Variants in FBXW8 observed in about 807,000 individuals in gnomAD.
FBXW8 encodes the protein F-box and WD repeat domain containing 8.
Under a neutral mutation model 65.3 loss-of-function variants are expected in FBXW8, and 57 were observed. The ratio of observed to expected loss-of-function variants is 0.87; its 90% CI spans 0.71 to 1.09. The LOEUF is 1.09. Ranked by LOEUF, FBXW8 falls within the 50% of genes least tolerant of loss-of-function variation. FBXW8 has a pLI of 0.00. For synonymous variants in FBXW8, 308 were observed against 330.2 expected (o/e 0.93, Z 0.73); for missense variants, 777 against 814.8 (o/e 0.95, Z 0.57).
chr12:116,915,678 AGT>A (rs949299426), intron 1 of FBXW8, among the ~76,000 whole-genome samples: 1 of 109,728 alleles, frequency 9.1e-6, no homozygotes, highest in Admixed American at 1.4e-4. Context: ...TGGGAGATAG[AGT>A]CTTACCCTGT....
At chr12:116,944,932 A>G (rs1296702948) in intron 2 of FBXW8, among the ~76,000 whole-genome samples, 1 of 152,228 alleles carries the variant, frequency 6.6e-6, no homozygotes, top group African/African-American at 2.4e-5. Flanking sequence ...AGGTAATTTT[A>G]TGACAGCCTT....
rs149880244 is a variant in FBXW8 at position 116,989,550 on chromosome 12, A to G, written c.1239+681A>G. ...GATGCTCTTTGAGCCAAAAGCAGGA[A>G]GACAGGTTTTTAATGGAAATTCTTT... On this transcript the variant is annotated intron_variant, in intron 7 of 10. Coordinates refer to ENST00000652555, the MANE Select transcript of FBXW8 (RefSeq NM_153348.3). Among the ~76,000 whole-genome samples, 206 of 152,344 alleles carry G rather than the reference A, an allele frequency of 1.4e-3. 3 individuals carry two copies. The East Asian group carries it at 0.033, about 24-fold the overall frequency.
intron 3 of FBXW8, among the ~76,000 whole-genome samples, chr12:116,946,870 C>T (rs1292307119): frequency 1.3e-5 from 2 of 152,052 alleles, no homozygotes; most frequent in African/African-American, 4.8e-5. Context: ...GTGGGAGGGG[C>T]TGCGATTTAA....
At chr12:116,995,286 C>G (rs1592937929) in intron 7 of FBXW8, among the ~76,000 whole-genome samples, 1 of 152,154 alleles carries the variant, frequency 6.6e-6, no homozygotes, top group Non-Finnish European at 1.5e-5. Flanking sequence ...TTAATCTGAC[C>G]TGCCTCTTCT....
chr12:116,926,764 C>G (rs1217887329), intron 1 of FBXW8, among the ~76,000 whole-genome samples: 1 of 152,078 alleles, frequency 6.6e-6, no homozygotes, highest in Non-Finnish European at 1.5e-5. Context: ...TCCCTTTTGG[C>G]CTTCATCCTT....
At chr12:116,951,782 C>A (rs1883303187) in intron 4 of FBXW8, among the ~76,000 whole-genome samples, 2 of 152,126 alleles carry the variant, frequency 1.3e-5, no homozygotes, top group African/African-American at 4.8e-5. Context: ...AGTCATGGTT[C>A]TTCCCTACTC....
chr12:116,933,021 TA>T (rs10658502), intron 2 of FBXW8, among the ~76,000 whole-genome samples: 3,085 of 151,908 alleles, frequency 0.02, 103 homozygotes, highest in African/African-American at 0.064. Flanking sequence ...AAAATTCACT[TA>T]AAAAAAATGT....
chr12:116,954,910 C>A (rs1437318637), intron 4 of FBXW8, among the ~76,000 whole-genome samples: 2 of 152,092 alleles, frequency 1.3e-5, no homozygotes, highest in Non-Finnish European at 2.9e-5. Context: ...TCCATCCCAG[C>A]CCCACTGTGC....
At chr12:117,019,533 AAC>A (rs1954037474) in intron 8 of FBXW8, among the ~76,000 whole-genome samples, 1 of 152,198 alleles carries the variant, frequency 6.6e-6, no homozygotes, top group African/African-American at 2.4e-5. Context: ...AGGAAGAAGA[AAC>A]AGTCTCTCCT....
At chr12:116,998,397 T>C (rs1953433114) in intron 7 of FBXW8, among the ~76,000 whole-genome samples, 1 of 152,156 alleles carries the variant, frequency 6.6e-6, no homozygotes, top group Non-Finnish European at 1.5e-5. Flanking sequence ...TACAGAACCA[T>C]TTAGATTGAA....
chr12:116,976,348 C>T (rs1884928982), intron 5 of FBXW8, among the ~76,000 whole-genome samples: 1 of 146,730 alleles, frequency 6.8e-6, no homozygotes, highest in African/African-American at 2.5e-5. Flanking sequence ...TGCTATTTGT[C>T]TTCAAGCTAT....
chr12:116,973,420 ACT>A (rs1432735049), intron 5 of FBXW8, among the ~76,000 whole-genome samples: 1 of 152,190 alleles, frequency 6.6e-6, no homozygotes, highest in East Asian at 1.9e-4. Flanking sequence ...GGAAAAGATA[ACT>A]CTGCAGTCAG....
intron 8 of FBXW8, among the ~76,000 whole-genome samples, chr12:117,012,067 G>T (rs1202226713): frequency 6.6e-6 from 1 of 152,116 alleles, no homozygotes; most frequent in African/African-American, 2.4e-5. Context: ...TTGAGCATCT[G>T]TAGATTTTGG....
intron 8 of FBXW8, 70 bp downstream of exon 8, chr12:117,010,520 G>T: frequency 6.2e-7 from 1 of 1,602,426 alleles, no homozygotes; most frequent in African/African-American, 1.3e-5. Context: ...CCACTGCGCT[G>T]CTCACACTGC....
Position 117,012,514 on chromosome 12 carries a change from G to C in FBXW8, c.1367+2064G>C, listed in dbSNP as rs181300530. ...AGAATATAGGGGTTTAAAATCTGTT[G>C]TTTTAATAAAAATTGCACATCTAGA... On this transcript the variant is annotated intron_variant, in intron 8 of 10. Coordinates refer to ENST00000652555, the MANE Select transcript of FBXW8 (RefSeq NM_153348.3). Among the ~76,000 whole-genome samples the C allele has an allele frequency of 3.9e-5, 6 of 152,198 alleles. No individual in the cohort carries two copies. In the East Asian group the frequency reaches 1.2e-3, roughly 29 times the overall value.
chr12:116,992,137 A>G (rs149294770), intron 7 of FBXW8, among the ~76,000 whole-genome samples: 1 of 152,364 alleles, frequency 6.6e-6, no homozygotes, highest in East Asian at 1.9e-4. Flanking sequence ...AAGGAAACAA[A>G]GCCGAGTAAT....
rs1884640363 is a variant in FBXW8 at position 116,971,434 on chromosome 12, T to C, written c.835+6580T>C. 3.9e-5 allele frequency among the ~76,000 whole-genome samples: 6 copies of C among 152,106 alleles called. No individual in the cohort carries two copies. The South Asian group carries it at 1.2e-3, about 32-fold the overall frequency. On this transcript the variant is annotated intron_variant, in intron 5 of 10. Coordinates refer to ENST00000652555, the MANE Select transcript of FBXW8 (RefSeq NM_153348.3). Reference sequence around the variant, plus strand: ...AAATCCTTTTTAGGGCGTTGAACTTTAAGTTGACCTCCACCTGGCATATCT... The same window carrying C: ...AAATCCTTTTTAGGGCGTTGAACTTCAAGTTGACCTCCACCTGGCATATCT...
intron 5 of FBXW8, among the ~76,000 whole-genome samples, chr12:116,966,906 A>G (rs1412683490): frequency 1.3e-5 from 2 of 151,994 alleles, no homozygotes; most frequent in East Asian, 1.9e-4. Flanking sequence ...TTTACTAGAG[A>G]CGGGGTTTCA....
chr12:117,010,540 A>G (rs1318455504), intron 8 of FBXW8, 90 bp downstream of exon 8: 1 of 1,564,094 alleles, frequency 6.4e-7, no homozygotes, highest in Non-Finnish European at 8.8e-7. Flanking sequence ...CCCGGTTCTC[A>G]CTCAACAGCT....
Sources: gnomAD v4.1 joint callset for allele counts (sites outside exome capture counted in the v4.1 genomes callset) on GRCh38, gnomAD v4.1.1 for gene constraint, MANE v1.5 for transcripts, NCBI Gene and HGNC (gene_info 2026-07-23, HGNC 2026-07-21) for gene names.